BBS9: variants seen among roughly 807,000 people sequenced by gnomAD.
The protein encoded by BBS9 is Bardet-Biedl syndrome 9.
Under a neutral mutation model 117.7 loss-of-function variants are expected in BBS9, and 89 were observed. The ratio of observed to expected loss-of-function variants is 0.76; its 90% CI spans 0.64 to 0.90. The LOEUF (loss-of-function observed/expected upper bound fraction) is 0.90. BBS9 is among the 40% of genes least tolerant of loss of function. The probability of loss-of-function intolerance (pLI) is 0.00; values close to 1 mark genes in which losing one functional copy is unlikely to be tolerated. For synonymous variants in BBS9, 379 were observed against 370.9 expected (o/e 1.02, Z -0.25); for missense variants, 982 against 1,042.2 (o/e 0.94, Z 0.80).
chr7:33,433,296 A>C (rs1834804986), intron 19 of BBS9, among the ~76,000 whole-genome samples: 1 of 152,210 alleles, frequency 6.6e-6, no homozygotes, highest in Non-Finnish European at 1.5e-5. Flanking sequence ...ATTTACCTTC[A>C]ATCACAGTCA....
chr7:33,400,989 C>A (rs1165577887), intron 19 of BBS9, among the ~76,000 whole-genome samples: 1 of 152,208 alleles, frequency 6.6e-6, no homozygotes, highest in African/African-American at 2.4e-5. Flanking sequence ...AGATCAATAC[C>A]TATCCAACTT....
chr7:33,604,737 A>C (rs1864318101), intron 21 of BBS9, 128 bp from the exon 22 acceptor site: 1 of 739,930 alleles, frequency 1.4e-6, no homozygotes, highest in East Asian at 2.7e-5. Flanking sequence ...TTTTCAGGCC[A>C]CTCCTGAAGA....
chr7:33,615,715 G>GATCGGAGAAC (rs750573415), intron 21 of BBS9, among the ~76,000 whole-genome samples: 11 of 152,160 alleles, frequency 7.2e-5, no homozygotes, highest in Admixed American at 2.0e-4. Context: ...GAGCCAGGAA[G>GATCGGAGAAC]ATCGGAGAAC....
intron 21 of BBS9, among the ~76,000 whole-genome samples, chr7:33,538,925 A>T (rs1026627244): frequency 6.6e-6 from 1 of 152,192 alleles, no homozygotes; most frequent in Non-Finnish European, 1.5e-5. Context: ...TTTCTCAACT[A>T]TAAGTAGGAA....
At chr7:33,174,589 C>T (rs1035800648) in intron 4 of BBS9, among the ~76,000 whole-genome samples, 5 of 152,142 alleles carry the variant, frequency 3.3e-5, no homozygotes, top group Non-Finnish European at 4.4e-5. Flanking sequence ...ATCAGCTGAC[C>T]GCCTTTGGCC....
chr7:33,182,146 A>C (rs1292158043), intron 5 of BBS9, among the ~76,000 whole-genome samples: 1 of 152,200 alleles, frequency 6.6e-6, no homozygotes, highest in Non-Finnish European at 1.5e-5. Flanking sequence ...ACTAGGCAAA[A>C]AGAAAAAAAA....
intron 9 of BBS9, among the ~76,000 whole-genome samples, chr7:33,280,343 G>A (rs1252808545): frequency 6.6e-6 from 1 of 152,020 alleles, no homozygotes; most frequent in African/African-American, 2.4e-5. Flanking sequence ...CCCCACTCTT[G>A]TAGTCGACAG....
rs535347425 is a variant in BBS9 at position 33,206,944 on chromosome 7, A to G, written c.442+29353A>G. Among the ~76,000 whole-genome samples the G allele has an allele frequency of 1.9e-3, 287 of 152,246 alleles. 9 individuals carry two copies. In the South Asian group the frequency reaches 0.053, roughly 28 times the overall value. ...GTCTTTTATGACATTGACATTTTTG[A>G]AGAATATAGTCTCCCATACCATTAA... On this transcript the variant is annotated intron_variant, in intron 5 of 22. Coordinates refer to ENST00000242067, the MANE Select transcript of BBS9 (RefSeq NM_198428.3).
intron 5 of BBS9, among the ~76,000 whole-genome samples, chr7:33,195,298 T>C (rs909173188): frequency 3.9e-5 from 6 of 152,208 alleles, no homozygotes; most frequent in African/African-American, 1.4e-4. Flanking sequence ...TACTTTAGAC[T>C]TTGGGGTTAT....
chr7:33,205,038 C>A (rs1786645138), intron 5 of BBS9, among the ~76,000 whole-genome samples: 1 of 152,190 alleles, frequency 6.6e-6, no homozygotes, highest in Non-Finnish European at 1.5e-5. Flanking sequence ...TGCTAAGAGG[C>A]AGCCCAATGA....
intron 19 of BBS9, among the ~76,000 whole-genome samples, chr7:33,423,809 C>T (rs1038066584): frequency 3.3e-5 from 5 of 152,030 alleles, no homozygotes; most frequent in Non-Finnish European, 7.4e-5. Flanking sequence ...AAGCAGCCAC[C>T]AGGGGGTAGC....
chr7:33,372,119 GA>G (rs997932870), intron 17 of BBS9, among the ~76,000 whole-genome samples: 1 of 151,648 alleles, frequency 6.6e-6, no homozygotes, highest in South Asian at 2.1e-4. Flanking sequence ...AAATAAAAGG[GA>G]AAAAAAAGGT....
chr7:33,329,025 A>G (rs574367659), intron 9 of BBS9, among the ~76,000 whole-genome samples: 42 of 141,916 alleles, frequency 3.0e-4, no homozygotes, highest in East Asian at 8.5e-4. Context: ...TTATTTATTT[A>G]TTTGTTTATT....
intron 21 of BBS9, among the ~76,000 whole-genome samples, chr7:33,586,772 A>G (rs1439290990): frequency 1.3e-5 from 2 of 152,120 alleles, no homozygotes; most frequent in African/African-American, 4.8e-5. Context: ...GCTGGAAACC[A>G]TTATCCTAAG....
At chr7:33,614,958 C>T (rs11984304) in intron 21 of BBS9, among the ~76,000 whole-genome samples, 1,929 of 152,122 alleles carry the variant, frequency 0.013, 43 homozygotes, top group African/African-American at 0.044. Context: ...ACGTGAAAGA[C>T]GGGAAATACC....
At chr7:33,175,039 C>T (rs1797128274) in intron 4 of BBS9, among the ~76,000 whole-genome samples, 1 of 152,234 alleles carries the variant, frequency 6.6e-6, no homozygotes, top group African/African-American at 2.4e-5. Context: ...TGCGGTGACT[C>T]ATGCCTGTAA....
At chr7:33,548,759 G>A (rs1853849914) in intron 21 of BBS9, among the ~76,000 whole-genome samples, 1 of 151,084 alleles carries the variant, frequency 6.6e-6, no homozygotes, top group Non-Finnish European at 1.5e-5. Flanking sequence ...ACAAACCACT[G>A]CTCAAGGGAA....
In BBS9 at chr7:33,390,537, T is replaced by G. The variant is rs1450897028; in HGVS notation, c.2115+2393T>G. On this transcript the variant is annotated intron_variant, in intron 19 of 22. Coordinates refer to ENST00000242067, the MANE Select transcript of BBS9 (RefSeq NM_198428.3). ...AGTACTATAAGGATTTTGACTTAATTTTTATGTACCTTGCCATTCAATTTT... is the reference window on the plus strand; with the variant it reads ...AGTACTATAAGGATTTTGACTTAATGTTTATGTACCTTGCCATTCAATTTT... The G allele has an allele frequency of 1.9e-5, 18 of 965,634 alleles. No homozygotes were observed. The Admixed American group carries it at 8.6e-4, about 46-fold the overall frequency. The allele number at this position is 965,634 out of a possible 1,614,324, so 59.8% of individuals were successfully genotyped here.
At chr7:33,405,316 G>C (rs1418420665) in intron 19 of BBS9, among the ~76,000 whole-genome samples, 1 of 151,888 alleles carries the variant, frequency 6.6e-6, no homozygotes, top group Admixed American at 6.6e-5. Context: ...TTTTTTGGTT[G>C]TGTCTCTGCC....
Sources: allele counts gnomAD v4.1 joint callset (sites outside exome capture counted in the v4.1 genomes callset), GRCh38; gene constraint gnomAD v4.1.1; transcripts MANE v1.5; gene names NCBI Gene and HGNC (gene_info 2026-07-23, HGNC 2026-07-21).